Variants in KLF12 observed in about 807,000 individuals in gnomAD.
KLF12 encodes Krueppel-like factor 12.
A neutral mutation model predicts 37.8 loss-of-function variants in KLF12; 9 were observed. The observed-to-expected ratio is 0.24, with a 90% CI of 0.14 to 0.42. The LOEUF is 0.42. KLF12 is among the 10% of genes least tolerant of loss of function. The pLI is 1.00. For synonymous variants in KLF12, 208 were observed against 202.1 expected, an observed-to-expected ratio of 1.03 and a Z score of -0.25; for missense variants, 411 against 516.0, an observed-to-expected ratio of 0.80 and a Z score of 1.97.
chr13:73,998,001 G>A (rs1228669451), intron 1 of KLF12, among the ~76,000 whole-genome samples: 1 of 152,156 alleles, frequency 6.6e-6, no homozygotes, highest in Non-Finnish European at 1.5e-5. Flanking sequence ...CTCTTTAGTA[G>A]CTGCAAGCAA....
chr13:74,155,608 C>A, the KLF12 span, among the ~76,000 whole-genome samples: 1 of 152,104 alleles, frequency 6.6e-6, no homozygotes, highest in Non-Finnish European at 1.5e-5. Flanking sequence ...GGTGATCCAC[C>A]CATCTCGGTC....
intron 1 of KLF12, among the ~76,000 whole-genome samples, chr13:74,012,450 A>T (rs1892576044): frequency 6.6e-6 from 1 of 152,210 alleles, no homozygotes; most frequent in Admixed American, 6.5e-5. Context: ...TTTTAAATTG[A>T]TAAAATAAAA....
intron 2 of KLF12, among the ~76,000 whole-genome samples, chr13:73,966,077 T>C (rs1301039121): frequency 6.6e-6 from 1 of 150,568 alleles, no homozygotes; most frequent in Non-Finnish European, 1.5e-5. Flanking sequence ...TCCCTGCTGT[T>C]TGTAATTACT....
At position 74,004,819 on chromosome 13, in the gene KLF12, G is replaced by A. The variant is rs117029633; in HGVS notation, c.-31-9766C>T. Among the ~76,000 whole-genome samples the A allele has an allele frequency of 5.1e-3, 773 of 152,004 alleles. 8 individuals are homozygous for A. Among genetic ancestry groups the A allele is most frequent in the Non-Finnish European group, 8.9e-3 (603 of 67,942 alleles). On this transcript the variant is annotated intron_variant, in intron 1 of 7. Coordinates refer to ENST00000377669, the MANE Select transcript of KLF12 (RefSeq NM_007249.5). ...TTTCCTTAAATCATTTAAGGTTTGG[G>A]GGATTTTTCAAAGATTTTAAAATTT...
At chr13:73,785,551 C>T (rs1881284690) in intron 5 of KLF12, among the ~76,000 whole-genome samples, 1 of 152,054 alleles carries the variant, frequency 6.6e-6, no homozygotes, top group Non-Finnish European at 1.5e-5. Flanking sequence ...CTTGGATATC[C>T]ACTATTAATA....
chr13:73,884,673 C>A (rs1887134293), intron 3 of KLF12, among the ~76,000 whole-genome samples: 1 of 152,174 alleles, frequency 6.6e-6, no homozygotes, highest in South Asian at 2.1e-4. Flanking sequence ...AGCCACTACG[C>A]CCATGTGGCT....
At chr13:74,281,213 T>C in the KLF12 span, among the ~76,000 whole-genome samples, 1 of 152,232 alleles carries the variant, frequency 6.6e-6, no homozygotes, top group African/African-American at 2.4e-5. Flanking sequence ...ACACTATTTC[T>C]TACCACATTT....
intron 1 of KLF12, among the ~76,000 whole-genome samples, chr13:74,102,611 C>G (rs1035262117): frequency 2.8e-4 from 42 of 151,996 alleles, no homozygotes; most frequent in African/African-American, 9.6e-4. Context: ...GCAGGAGAAT[C>G]GCTTGCACCT....
intron 6 of KLF12, among the ~76,000 whole-genome samples, chr13:73,734,330 T>C (rs553510896): frequency 6.6e-6 from 1 of 152,212 alleles, no homozygotes; most frequent in Non-Finnish European, 1.5e-5. Flanking sequence ...CTTAACATTA[T>C]ATGGTATATT....
rs780886445 is a variant in KLF12 at position 74,035,220 on chromosome 13, T to A, written c.-31-40167A>T. On this transcript the variant is annotated intron_variant, in intron 1 of 7. Coordinates refer to ENST00000377669, the MANE Select transcript of KLF12 (RefSeq NM_007249.5). ...CATATAACCTATGCATATCCTCCCA[T>A]ATACTTTAAATCATCTCTAGATTAC... Among the ~76,000 whole-genome samples the A allele has an allele frequency of 3.3e-5, 5 of 152,332 alleles. No individual in the cohort carries two copies. In the East Asian group the frequency reaches 9.6e-4, roughly 29 times the overall value.
intron 2 of KLF12, among the ~76,000 whole-genome samples, chr13:73,963,090 C>T (rs528773659): frequency 6.6e-6 from 1 of 152,234 alleles, no homozygotes; most frequent in South Asian, 2.1e-4. Context: ...TATCATTCTG[C>T]ATTTAATCAT....
chr13:73,873,816 TA>T (rs1566430913), intron 3 of KLF12, among the ~76,000 whole-genome samples: 1 of 152,130 alleles, frequency 6.6e-6, no homozygotes, highest in Non-Finnish European at 1.5e-5. Context: ...TAATATGTTT[TA>T]AAATATCTAA....
At chr13:74,134,389 G>A (rs1211199418), upstream of KLF12, among the ~76,000 whole-genome samples, 2 of 151,964 alleles carry the variant, frequency 1.3e-5, no homozygotes, top group Non-Finnish European at 1.5e-5. Flanking sequence ...AGGATTAGGA[G>A]GCGGGCTCTG....
At chr13:74,129,684 A>C (rs1420855932) in intron 1 of KLF12, among the ~76,000 whole-genome samples, 1 of 151,814 alleles carries the variant, frequency 6.6e-6, no homozygotes, top group African/African-American at 2.4e-5. Context: ...CATGACTTTA[A>C]GTTGAAAAAA....
chr13:74,260,751 T>C, the KLF12 span, among the ~76,000 whole-genome samples: 1 of 151,918 alleles, frequency 6.6e-6, no homozygotes, highest in African/African-American at 2.4e-5. Context: ...ACACTAATTG[T>C]AAATGTGTAG....
At chr13:74,085,720 C>A (rs1006697865) in intron 1 of KLF12, among the ~76,000 whole-genome samples, 3 of 152,162 alleles carry the variant, frequency 2.0e-5, no homozygotes, top group African/African-American at 7.2e-5. Flanking sequence ...TGATTGTGCA[C>A]CAATTCCTGG....
rs1875560519 is a variant in KLF12, at chr13:73,713,467, T to C, written c.1027+1901A>G. Among the ~76,000 whole-genome samples, 3 of 152,208 alleles carry C rather than the reference T, an allele frequency of 2.0e-5. No homozygotes were observed. In the South Asian group the frequency reaches 6.2e-4, roughly 31 times the overall value. On this transcript the variant is annotated intron_variant, in intron 7 of 7. Transcript: ENST00000377669. The stretch of plus-strand genomic sequence containing the variant: ...ACAAATTTTTTAAAATACACATAAG[T>C]ATGCAGAAAACTGCACAGCAGTGAC...
the KLF12 span, among the ~76,000 whole-genome samples, chr13:74,191,416 TA>T: frequency 6.6e-6 from 1 of 152,226 alleles, no homozygotes; most frequent in Non-Finnish European, 1.5e-5. Flanking sequence ...TGTTGAGTTA[TA>T]TTTATTTTCT....
intron 7 of KLF12, among the ~76,000 whole-genome samples, chr13:73,696,912 T>C (rs1429345687): frequency 1.3e-5 from 2 of 152,176 alleles, no homozygotes; most frequent in Non-Finnish European, 2.9e-5. Flanking sequence ...AATTATTCAC[T>C]TCCTATTTCT....
Sources: gnomAD v4.1 joint callset for allele counts (sites outside exome capture counted in the v4.1 genomes callset) on GRCh38, gnomAD v4.1.1 for gene constraint, MANE v1.5 for transcripts, NCBI Gene and HGNC (gene_info 2026-07-23, HGNC 2026-07-21) for gene names.